Variants in BMPR1B observed in about 807,000 individuals in gnomAD.
BMPR1B encodes bone morphogenetic protein receptor type-1B.
Under a neutral mutation model 59.1 loss-of-function variants are expected in BMPR1B, and 12 were observed. That is an observed-to-expected ratio of 0.20 (90% confidence interval 0.13 to 0.33). BMPR1B has a LOEUF of 0.33. Ranked by LOEUF, BMPR1B falls within the 10% of genes least tolerant of loss-of-function variation. The probability of loss-of-function intolerance (pLI) is 1.00; values close to 1 mark genes in which losing one functional copy is unlikely to be tolerated. For synonymous variants in BMPR1B, 237 were observed against 207.3 expected (o/e 1.14, Z -1.23); for missense variants, 550 against 610.9 (o/e 0.90, Z 1.05).
At chr4:94,809,085 TTTGA>T (rs1723719363) in intron 1 of BMPR1B, among the ~76,000 whole-genome samples, 1 of 152,132 alleles carries the variant, frequency 6.6e-6, no homozygotes, top group Non-Finnish European at 1.5e-5. Flanking sequence ...TGTACAGTTC[TTTGA>T]TTATTATTAC....
chr4:94,814,122 C>T (rs1396172839), intron 1 of BMPR1B, among the ~76,000 whole-genome samples: 4 of 152,024 alleles, frequency 2.6e-5, no homozygotes, highest in Admixed American at 6.6e-5. Context: ...GACTCAAATC[C>T]GATCTGTTCA....
chr4:94,874,837 C>G (rs960629783), intron 1 of BMPR1B, among the ~76,000 whole-genome samples: 6 of 151,984 alleles, frequency 3.9e-5, no homozygotes, highest in Middle Eastern at 3.4e-3. Context: ...ACTAAAAATA[C>G]AAAAAATTAG....
intron 2 of BMPR1B, among the ~76,000 whole-genome samples, chr4:94,901,504 TAC>T: frequency 6.6e-6 from 1 of 152,062 alleles, no homozygotes; most frequent in East Asian, 1.9e-4. Context: ...GGTGAGAACA[TAC>T]AGAGAACGAC....
At chr4:94,840,489 C>T (rs1326479753) in intron 1 of BMPR1B, among the ~76,000 whole-genome samples, 1 of 146,746 alleles carries the variant, frequency 6.8e-6, no homozygotes, top group Non-Finnish European at 1.5e-5. Context: ...TCTAAACTTC[C>T]CTTCTCGCTT....
Position 95,152,724 on chromosome 4 carries a change from G to A in BMPR1B, c.1334G>A (p.Cys445Tyr). The change falls in exon 12 of 13, where the codon TGC (cysteine) becomes TAC (tyrosine). Residue 445 changes from cysteine to tyrosine, a missense_variant. This residue lies in a region of BMPR1B where 123 missense variants were observed against 164.6 expected (regional missense o/e 0.75). Transcript: ENST00000515059. ...PSYEDMREIV[C>Y]IKKLRPSFPN... The stretch of plus-strand genomic sequence containing the variant: ...TATGAGGACATGAGGGAGATTGTGT[G>A]CATCAAGAAGTTACGCCCCTCATTC... 1.9e-6 allele frequency: 3 copies of A among 1,607,138 alleles called. No individual in the cohort carries two copies. The highest frequency in any genetic ancestry group is 1.1e-5 in the South Asian group (1 of 89,252).
intron 2 of BMPR1B, among the ~76,000 whole-genome samples, chr4:94,878,154 G>A (rs1017796312): frequency 6.6e-6 from 1 of 152,154 alleles, no homozygotes; most frequent in Non-Finnish European, 1.5e-5. Flanking sequence ...GGCTCTTTAA[G>A]CATATTGCAA....
chr4:95,088,013 AT>A (rs1472186882), intron 3 of BMPR1B, among the ~76,000 whole-genome samples: 1 of 152,176 alleles, frequency 6.6e-6, no homozygotes, highest in Non-Finnish European at 1.5e-5. Context: ...TACGTTTATA[AT>A]TATATTATAA....
chr4:95,117,610 C>T (rs1732164121), intron 6 of BMPR1B, among the ~76,000 whole-genome samples: 1 of 151,758 alleles, frequency 6.6e-6, no homozygotes, highest in Non-Finnish European at 1.5e-5. Flanking sequence ...TAGCAAGGCT[C>T]CATCTCTAAA....
intron 2 of BMPR1B, among the ~76,000 whole-genome samples, chr4:94,954,668 A>G (rs533439545): frequency 1.3e-5 from 2 of 152,316 alleles, no homozygotes; most frequent in Admixed American, 1.3e-4. Context: ...TCTTGGGCAA[A>G]TAAGCTGTAT....
intron 1 of BMPR1B, among the ~76,000 whole-genome samples, chr4:94,764,483 C>G (rs1721894296): frequency 6.6e-6 from 1 of 152,156 alleles, no homozygotes; most frequent in Non-Finnish European, 1.5e-5. Context: ...GGGTTCTTTT[C>G]CACTACTGCC....
chr4:94,901,249 A>G (rs1379853447), intron 2 of BMPR1B, among the ~76,000 whole-genome samples: 2 of 152,046 alleles, frequency 1.3e-5, no homozygotes, highest in Non-Finnish European at 2.9e-5. Flanking sequence ...ATAGATTAAA[A>G]TACAGTAAAA....
intron 2 of BMPR1B, among the ~76,000 whole-genome samples, chr4:94,949,615 C>A (rs867442020): frequency 1.9e-4 from 9 of 46,668 alleles, no homozygotes; most frequent in Admixed American, 3.6e-4. Context: ...CGCGCCCGGC[C>A]TGAACTCATT....
intron 2 of BMPR1B, among the ~76,000 whole-genome samples, chr4:94,895,643 C>G (rs1727555864): frequency 6.7e-6 from 1 of 150,204 alleles, no homozygotes; most frequent in African/African-American, 2.4e-5. Flanking sequence ...TAAGAAATAT[C>G]TTGGTATTTA....
intron 2 of BMPR1B, among the ~76,000 whole-genome samples, chr4:94,906,561 A>G (rs1311027107): frequency 6.6e-6 from 1 of 152,054 alleles, no homozygotes; most frequent in Admixed American, 6.6e-5. Flanking sequence ...AACCTAGATG[A>G]TGGGTTGACG....
intron 3 of BMPR1B, among the ~76,000 whole-genome samples, chr4:95,078,330 A>T (rs1452301915): frequency 6.6e-6 from 1 of 152,208 alleles, no homozygotes; most frequent in African/African-American, 2.4e-5. Flanking sequence ...TAGTGGCTTT[A>T]TCTATATGCA....
At chr4:94,884,986 C>T (rs1449119948) in intron 2 of BMPR1B, among the ~76,000 whole-genome samples, 1 of 152,198 alleles carries the variant, frequency 6.6e-6, no homozygotes, top group Non-Finnish European at 1.5e-5. Flanking sequence ...AACAGGCTCA[C>T]TTGGTGGAAG....
intron 4 of BMPR1B, among the ~76,000 whole-genome samples, chr4:95,106,228 C>T (rs564136577): frequency 2.5e-4 from 38 of 152,024 alleles, no homozygotes; most frequent in Admixed American, 1.7e-3. Flanking sequence ...ATATTAAGAA[C>T]GTGATCTTAT....
At chr4:95,072,759 G>A (rs1728408286) in intron 3 of BMPR1B, among the ~76,000 whole-genome samples, 1 of 151,604 alleles carries the variant, frequency 6.6e-6, no homozygotes, top group Non-Finnish European at 1.5e-5. Context: ...TTTGGAAGGT[G>A]GTAGAATAAT....
chr4:94,817,976 T>TTCAAAATTAAA (rs1724071041), intron 1 of BMPR1B, among the ~76,000 whole-genome samples: 2 of 152,126 alleles, frequency 1.3e-5, no homozygotes, highest in Admixed American at 1.3e-4. Context: ...CTGGGGAACT[T>TTCAAAATTAAA]TCAAAATTAA....
Sources: gnomAD v4.1 joint callset for allele counts (sites outside exome capture counted in the v4.1 genomes callset) on GRCh38, gnomAD v4.1.1 for gene constraint, gnomAD v4.1.1 regional missense constraint, MANE v1.5 for transcripts, NCBI Gene and HGNC (gene_info 2026-07-23, HGNC 2026-07-21) for gene names.